KANSL1L: variants seen among roughly 807,000 people sequenced by gnomAD.
KANSL1L encodes KAT8 regulatory NSL complex subunit 1-like protein.
Under a neutral mutation model 108.6 loss-of-function variants are expected in KANSL1L, and 25 were observed. The observed-to-expected ratio is 0.23, with a 90% confidence interval of 0.17 to 0.32. KANSL1L has a LOEUF of 0.32. Among genes scored for constraint, KANSL1L ranks in the 10% least tolerant of loss-of-function variants. The pLI is 1.00. For synonymous variants in KANSL1L, 405 were observed against 395.1 expected (o/e 1.03, Z -0.30); for missense variants, 1,137 against 1,125.7 (o/e 1.01, Z -0.14).
At chr2:210,030,364 G>A (rs966612327) in intron 9 of KANSL1L, among the ~76,000 whole-genome samples, 4 of 151,522 alleles carry the variant, frequency 2.6e-5, no homozygotes, top group Admixed American at 6.6e-5. Flanking sequence ...ACATGTTTCC[G>A]AAAGTACTTG....
chr2:210,087,041 T>A (rs545364024), intron 5 of KANSL1L, among the ~76,000 whole-genome samples: 2 of 151,794 alleles, frequency 1.3e-5, no homozygotes, highest in African/African-American at 4.8e-5. Flanking sequence ...TTATTTTTTT[T>A]TTTTTGAGAC....
intron 1 of KANSL1L, among the ~76,000 whole-genome samples, chr2:210,170,910 C>G (rs545860534): frequency 1.0e-4 from 15 of 150,326 alleles, no homozygotes; most frequent in African/African-American, 3.7e-4. Flanking sequence ...TCCCCAGCTG[C>G]CAAGGCTGTT....
At chr2:210,162,993 C>T (rs2095369840) in intron 1 of KANSL1L, among the ~76,000 whole-genome samples, 1 of 152,300 alleles carries the variant, frequency 6.6e-6, no homozygotes, top group African/African-American at 2.4e-5. Context: ...GGCACAGGCT[C>T]ATTGAAAGAC....
chr2:210,026,555 A>G (rs1176240901), intron 12 of KANSL1L, among the ~76,000 whole-genome samples: 1 of 152,224 alleles, frequency 6.6e-6, no homozygotes, highest in African/African-American at 2.4e-5. Flanking sequence ...CTCTACAGGT[A>G]TTACGTGATA....
intron 3 of KANSL1L, among the ~76,000 whole-genome samples, chr2:210,119,511 CA>C (rs1267208391): frequency 6.6e-6 from 1 of 152,050 alleles, no homozygotes; most frequent in African/African-American, 2.4e-5. Context: ...GGATGCATTC[CA>C]GGGGCGCAAA....
At chr2:210,024,862 A>G (rs564573585) in intron 13 of KANSL1L, among the ~76,000 whole-genome samples, 1 of 152,326 alleles carries the variant, frequency 6.6e-6, no homozygotes, top group African/African-American at 2.4e-5. Context: ...TGTTAGTTAA[A>G]TCCATTCCTG....
chr2:210,064,430 A>G (rs1467636422), intron 6 of KANSL1L: 2 of 152,178 alleles, frequency 1.3e-5, no homozygotes, highest in Non-Finnish European at 2.9e-5. Context: ...AATCCTGTCT[A>G]GCAAAGGAAT....
At position 210,025,139 on chromosome 2, in the gene KANSL1L, TA is replaced by T; in HGVS notation, c.2528del (p.Leu843HisfsTer26). 1 of 1,613,376 alleles carries T rather than the reference TA, an allele frequency of 6.2e-7. No homozygotes were observed. Among genetic ancestry groups the T allele is most frequent in the Non-Finnish European group, 8.5e-7 (1 of 1,179,298 alleles). On this transcript the variant is annotated frameshift_variant, in exon 13 of 15. Coordinates refer to ENST00000281772, the MANE Select transcript of KANSL1L (RefSeq NM_152519.4). LOFTEE classifies it high-confidence loss of function. ...YEEREQARWS[L>X]WEQSKWHRRN... Reference sequence around the variant, plus strand: ...TTCTGTGCCACTTGCTTTGCTCCCATAGTGACCACCTGGCTTGCTCTCTCTC... The same window carrying T: ...TTCTGTGCCACTTGCTTTGCTCCCATGTGACCACCTGGCTTGCTCTCTCTC...
chr2:210,089,981 AC>A (rs1207952811), intron 5 of KANSL1L, among the ~76,000 whole-genome samples: 1 of 152,220 alleles, frequency 6.6e-6, no homozygotes, highest in East Asian at 1.9e-4. Flanking sequence ...AGGGATACCT[AC>A]AAATGCCCTC....
At chr2:210,079,024 C>T (rs1316862915) in intron 5 of KANSL1L, among the ~76,000 whole-genome samples, 3 of 152,110 alleles carry the variant, frequency 2.0e-5, no homozygotes, top group African/African-American at 7.2e-5. Flanking sequence ...AATTGTAGCT[C>T]ACTGCAGCCT....
At chr2:210,115,853 G>C (rs541863572) in intron 3 of KANSL1L, among the ~76,000 whole-genome samples, 1 of 152,152 alleles carries the variant, frequency 6.6e-6, no homozygotes, top group South Asian at 2.1e-4. Context: ...GCATGAGAGA[G>C]GGGAGGCAGA....
chr2:210,027,089 G>C (rs1202542591), intron 12 of KANSL1L, among the ~76,000 whole-genome samples: 1 of 151,940 alleles, frequency 6.6e-6, no homozygotes, highest in Non-Finnish European at 1.5e-5. Context: ...TTAAATTATT[G>C]TGTATTTCTA....
chr2:210,106,244 C>T (rs1050827551), intron 3 of KANSL1L, among the ~76,000 whole-genome samples: 7 of 152,072 alleles, frequency 4.6e-5, no homozygotes, highest in Admixed American at 4.6e-4. Context: ...AATTTAACTG[C>T]AATTGTCTTT....
At chr2:210,150,131 T>C (rs1340899250) in intron 2 of KANSL1L, among the ~76,000 whole-genome samples, 1 of 152,124 alleles carries the variant, frequency 6.6e-6, no homozygotes, top group Non-Finnish European at 1.5e-5. Flanking sequence ...AATGAACTGA[T>C]ATTAAATTTC....
At chr2:210,051,600 C>A (rs1356232781) in intron 6 of KANSL1L, among the ~76,000 whole-genome samples, 1 of 152,100 alleles carries the variant, frequency 6.6e-6, no homozygotes, top group Non-Finnish European at 1.5e-5. Flanking sequence ...TTCACCCTTA[C>A]AATCAAAAAA....
At chr2:210,123,704 A>C (rs961737725) in intron 3 of KANSL1L, among the ~76,000 whole-genome samples, 10 of 152,098 alleles carry the variant, frequency 6.6e-5, no homozygotes, top group African/African-American at 2.4e-4. Context: ...AGAAAGAATA[A>C]GTGTTTGAGG....
At chr2:210,101,847 G>T (rs2125422248) in intron 4 of KANSL1L, among the ~76,000 whole-genome samples, 1 of 152,282 alleles carries the variant, frequency 6.6e-6, no homozygotes, top group South Asian at 2.1e-4. Flanking sequence ...ACAGTAACCT[G>T]TATTTAGTTA....
chr2:210,128,760 G>A (rs904680988), intron 3 of KANSL1L, among the ~76,000 whole-genome samples: 3 of 152,198 alleles, frequency 2.0e-5, no homozygotes, highest in South Asian at 2.1e-4. Context: ...TGTATTTTAT[G>A]ATTTAGAAAT....
At position 210,154,071 on chromosome 2, in the gene KANSL1L, C is replaced by T. The variant is rs1420044618; in HGVS notation, c.512G>A (p.Cys171Tyr). Reference sequence around the variant, plus strand: ...AAGTGCATTCTCTTGATACCATTTACAGTTTTGTAGTTGTACTTTATCTAC... The same window carrying T: ...AAGTGCATTCTCTTGATACCATTTATAGTTTTGTAGTTGTACTTTATCTAC... ...TNVDKVQLQN[C>Y]KWYQENALLD... The change falls in exon 2 of 15, where the codon TGT (cysteine) becomes TAT (tyrosine). Residue 171 changes from cysteine to tyrosine, a missense_variant. Cys to Tyr is a radical substitution (Grantham distance 194, BLOSUM62 -2). This residue lies in a region of KANSL1L where 556 missense variants were observed against 537.7 expected (regional missense o/e 1.03). Transcript: ENST00000281772. The T allele has an allele frequency of 6.2e-7, 1 of 1,613,438 alleles. No individual in the cohort carries two copies.
Sources: allele counts gnomAD v4.1 joint callset (sites outside exome capture counted in the v4.1 genomes callset), GRCh38; gene constraint gnomAD v4.1.1; regional missense constraint gnomAD v4.1.1; transcripts MANE v1.5; gene names NCBI Gene and HGNC (gene_info 2026-07-23, HGNC 2026-07-21).